The following KCNIP4 variants were observed in gnomAD, a reference collection of about 807,000 sequenced individuals.
KCNIP4 encodes potassium voltage-gated channel interacting protein 4, also known as Kv channel-interacting protein 4.
In KCNIP4, 12 loss-of-function variants were observed where a neutral mutation model predicts 34.0. The observed-to-expected ratio is 0.35, with a 90% CI of 0.23 to 0.57. The LOEUF (loss-of-function observed/expected upper bound fraction) is 0.57. Ranked by LOEUF, KCNIP4 falls within the 20% of genes least tolerant of loss-of-function variation. The probability of loss-of-function intolerance (pLI) is 0.83; values close to 1 mark genes in which losing one functional copy is unlikely to be tolerated. For synonymous variants in KCNIP4, 124 were observed against 102.2 expected (o/e 1.21, Z -1.29); for missense variants, 238 against 311.7 (o/e 0.76, Z 1.78).
At chr4:20,730,155 T>G (rs769319057) in intron 8 of KCNIP4, 26 bp from the exon 9 acceptor site, 1 of 1,591,066 alleles carries the variant, frequency 6.3e-7, no homozygotes, top group East Asian at 2.3e-5. Context: ...ACAGAGCGAT[T>G]AAATTCAGCA....
intron 1 of KCNIP4, among the ~76,000 whole-genome samples, chr4:21,206,531 G>A (rs1377732522): frequency 2.0e-5 from 3 of 152,148 alleles, no homozygotes; most frequent in Non-Finnish European, 4.4e-5. Context: ...TCTATTGGAT[G>A]GGGGATGGCT....
intron 1 of KCNIP4, among the ~76,000 whole-genome samples, chr4:20,987,249 A>G (rs1193290642): frequency 6.6e-6 from 1 of 152,152 alleles, no homozygotes; most frequent in Non-Finnish European, 1.5e-5. Context: ...AAAATTTAAA[A>G]AAGTAACTCC....
intron 1 of KCNIP4, among the ~76,000 whole-genome samples, chr4:21,767,643 G>GA (rs942911614): frequency 6.6e-6 from 1 of 151,884 alleles, no homozygotes; most frequent in African/African-American, 2.4e-5. Flanking sequence ...TGTAATGAAA[G>GA]AAAACTTACA....
intron 1 of KCNIP4, among the ~76,000 whole-genome samples, chr4:21,457,818 A>G (rs765511018): frequency 6.6e-6 from 1 of 151,982 alleles, no homozygotes; most frequent in Non-Finnish European, 1.5e-5. Flanking sequence ...TATGGTAAAA[A>G]AGAATACCTT....
Position 21,261,268 on chromosome 4 carries a change from C to T in KCNIP4, c.62-378559G>A, listed in dbSNP as rs114408033. Among the ~76,000 whole-genome samples the T allele has an allele frequency of 2.6e-3, 393 of 152,098 alleles. 1 individual carries two copies. The highest frequency in any genetic ancestry group is 8.7e-3 in the African/African-American group (363 of 41,506). ...TTAAATAGGGAAGCAAATATCATTG[C>T]GTAAAAAAGATAACTAAAATATGAC... On this transcript the variant is annotated intron_variant, in intron 1 of 8. Coordinates refer to ENST00000382152, the MANE Select transcript of KCNIP4 (RefSeq NM_025221.6).
chr4:20,936,276 A>G (rs1441900231), intron 1 of KCNIP4, among the ~76,000 whole-genome samples: 2 of 152,172 alleles, frequency 1.3e-5, no homozygotes. Flanking sequence ...TGCAGTTTCC[A>G]TCCTGGCAGA....
intron 1 of KCNIP4, among the ~76,000 whole-genome samples, chr4:21,501,580 C>T (rs2109890149): frequency 6.6e-6 from 1 of 152,092 alleles, no homozygotes; most frequent in South Asian, 2.1e-4. Flanking sequence ...GGTTTTGTTT[C>T]TCCAAAGGTC....
chr4:20,962,601 C>G (rs1733955789), intron 1 of KCNIP4, among the ~76,000 whole-genome samples: 1 of 152,140 alleles, frequency 6.6e-6, no homozygotes, highest in Non-Finnish European at 1.5e-5. Flanking sequence ...AGCATTAAAA[C>G]CAACAAGCCA....
intron 1 of KCNIP4, among the ~76,000 whole-genome samples, chr4:21,479,831 A>G (rs1577432263): frequency 6.6e-6 from 1 of 152,104 alleles, no homozygotes; most frequent in African/African-American, 2.4e-5. Flanking sequence ...AAACTCAGAA[A>G]AGTTCAACAA....
intron 1 of KCNIP4, among the ~76,000 whole-genome samples, chr4:20,931,277 G>A (rs1378605160): frequency 6.6e-6 from 1 of 152,020 alleles, no homozygotes; most frequent in African/African-American, 2.4e-5. Flanking sequence ...ATGACATGGA[G>A]GCATGGGTAT....
intron 3 of KCNIP4, among the ~76,000 whole-genome samples, chr4:20,818,495 A>G (rs1274093034): frequency 6.6e-6 from 1 of 152,174 alleles, no homozygotes; most frequent in African/African-American, 2.4e-5. Flanking sequence ...CTCAGATCTC[A>G]TAATAGTGCC....
intron 1 of KCNIP4, among the ~76,000 whole-genome samples, chr4:21,087,805 G>A (rs1746602187): frequency 6.6e-6 from 1 of 152,136 alleles, no homozygotes; most frequent in Non-Finnish European, 1.5e-5. Flanking sequence ...TGTCCACTGT[G>A]TCTTCATTTC....
At chr4:21,563,050 TGTTG>T (rs1560518733) in intron 1 of KCNIP4, among the ~76,000 whole-genome samples, 1 of 152,070 alleles carries the variant, frequency 6.6e-6, no homozygotes, top group Non-Finnish European at 1.5e-5. Context: ...ATTACTTCTC[TGTTG>T]GTTGGTCTGA....
At chr4:21,294,420 C>T (rs1034182967) in intron 1 of KCNIP4, among the ~76,000 whole-genome samples, 6 of 152,162 alleles carry the variant, frequency 3.9e-5, no homozygotes, top group Non-Finnish European at 7.3e-5. Context: ...TTATAAGAAT[C>T]CTTGTTTCTG....
chr4:21,729,966 G>A (rs1715471641), intron 1 of KCNIP4: 1 of 151,904 alleles, frequency 6.6e-6, no homozygotes, highest in Non-Finnish European at 1.5e-5. Context: ...ACAAATTGTT[G>A]GCTTGCTTCC....
chr4:20,954,013 A>T (rs1035225506), intron 1 of KCNIP4, among the ~76,000 whole-genome samples: 38 of 152,110 alleles, frequency 2.5e-4, no homozygotes, highest in Admixed American at 2.4e-3. Flanking sequence ...TTTTTTTATA[A>T]AGGCATCGTG....
intron 3 of KCNIP4, among the ~76,000 whole-genome samples, chr4:20,802,425 T>C (rs899144950): frequency 6.6e-6 from 1 of 151,926 alleles, no homozygotes; most frequent in African/African-American, 2.4e-5. Context: ...TTTAATACTC[T>C]TTTCAGTAAT....
In KCNIP4 at chr4:21,694,922, AAAAAAAAAT is replaced by A. The variant is rs1252232436; in HGVS notation, c.61+253640_61+253648del. Among the ~76,000 whole-genome samples the A allele has an allele frequency of 5.1e-3, 488 of 95,234 alleles. 15 individuals carry two copies. Among genetic ancestry groups the A allele is most frequent in the African/African-American group, 0.018 (471 of 25,744 alleles). 62.5% of individuals were successfully genotyped at this position (95,234 alleles called of 152,430 possible). A position where few individuals can be genotyped will look rare whatever the true frequency, so the allele number is the denominator to read the frequency against. On this transcript the variant is annotated intron_variant, in intron 1 of 8. Coordinates refer to ENST00000382152, the MANE Select transcript of KCNIP4 (RefSeq NM_025221.6). ...CAGATAACACGATTGACCAAAAAAA[AAAAAAAAAT>A]AAAAATAAATAAATAAATAAAGGGC...
chr4:21,473,835 T>C (rs894561297), intron 1 of KCNIP4, among the ~76,000 whole-genome samples: 1 of 151,702 alleles, frequency 6.6e-6, no homozygotes, highest in African/African-American at 2.4e-5. Context: ...TGCCTCAGCC[T>C]CCCCAAGAGC....
Sources: gnomAD v4.1 joint callset for allele counts (sites outside exome capture counted in the v4.1 genomes callset) on GRCh38, gnomAD v4.1.1 for gene constraint, MANE v1.5 for transcripts, NCBI Gene and HGNC (gene_info 2026-07-23, HGNC 2026-07-21) for gene names.